Variants in ADCY2 observed in about 807,000 individuals in gnomAD.
ADCY2 encodes the protein adenylate cyclase 2, also known as adenylate cyclase type 2.
In ADCY2, 31 loss-of-function variants were observed where a neutral mutation model predicts 125.2. The ratio of observed to expected loss-of-function variants is 0.25; its 90% CI spans 0.19 to 0.33. The LOEUF (loss-of-function observed/expected upper bound fraction) is 0.33, where lower values mean the gene tolerates loss of function less well. ADCY2 is among the 10% of genes least tolerant of loss of function. The pLI is 1.00. For missense variants in ADCY2, 904 were observed against 1,418.2 expected, an observed-to-expected ratio of 0.64 and a Z score of 5.82; for synonymous variants, 512 against 548.4, an observed-to-expected ratio of 0.93 and a Z score of 0.93.
chr5:7,560,830 A>G (rs1430879315), intron 3 of ADCY2, among the ~76,000 whole-genome samples: 1 of 152,006 alleles, frequency 6.6e-6, no homozygotes, highest in Non-Finnish European at 1.5e-5. Flanking sequence ...CCAAGATTAC[A>G]GGCATGCACC....
At chr5:7,507,723 A>C (rs546077736) in intron 2 of ADCY2, among the ~76,000 whole-genome samples, 2 of 152,290 alleles carry the variant, frequency 1.3e-5, no homozygotes, top group East Asian at 3.9e-4. Flanking sequence ...GTTAGGACAG[A>C]TGGATTCTCA....
chr5:7,533,084 TATGTATATATAC>T (rs1323094477), intron 3 of ADCY2, among the ~76,000 whole-genome samples: 5 of 149,796 alleles, frequency 3.3e-5, no homozygotes, highest in African/African-American at 7.3e-5. Flanking sequence ...TATAAACATA[TATGTATATATAC>T]ATGTATATAT....
At chr5:7,805,555 C>T (rs1289282036) in intron 22 of ADCY2, among the ~76,000 whole-genome samples, 2 of 152,124 alleles carry the variant, frequency 1.3e-5, no homozygotes, top group Non-Finnish European at 2.9e-5. Context: ...AGGACAGTGG[C>T]CTTTGCTGTG....
At chr5:7,450,648 T>C (rs887109852) in intron 2 of ADCY2, among the ~76,000 whole-genome samples, 2 of 152,202 alleles carry the variant, frequency 1.3e-5, no homozygotes, top group African/African-American at 4.8e-5. Context: ...AATAACCTTC[T>C]GTTATAAGAA....
intron 2 of ADCY2, among the ~76,000 whole-genome samples, chr5:7,518,358 A>G (rs535246919): frequency 3.9e-5 from 6 of 152,266 alleles, no homozygotes; most frequent in African/African-American, 1.4e-4. Flanking sequence ...GTCCCTCCAA[A>G]GGCATGCCTG....
intron 4 of ADCY2, among the ~76,000 whole-genome samples, chr5:7,637,883 G>GT (rs1487100893): frequency 4.6e-5 from 7 of 152,322 alleles, no homozygotes; most frequent in African/African-American, 1.7e-4. Flanking sequence ...AGGTTGGGCA[G>GT]TTTAACTACA....
chr5:7,675,271 C>T (rs552095330), intron 4 of ADCY2, among the ~76,000 whole-genome samples: 3 of 152,142 alleles, frequency 2.0e-5, no homozygotes, highest in South Asian at 4.2e-4. Context: ...TTTGGCCACC[C>T]GTATTCATAT....
rs145231761 is a variant in ADCY2, at chr5:7,819,746, A to C, written c.2999-819A>C. Among the ~76,000 whole-genome samples, 38 of 152,352 alleles carry C rather than the reference A, an allele frequency of 2.5e-4. No homozygotes were observed. The East Asian group carries it at 7.0e-3, about 28-fold the overall frequency. On this transcript the variant is annotated intron_variant, in intron 23 of 24. Coordinates refer to ENST00000338316, the MANE Select transcript of ADCY2 (RefSeq NM_020546.3). ...AGTTCAGGGATAGCAAAGTGGAAGAATAATATTGCCAACAAAAGCGATGGG... is the reference window on the plus strand; with the variant it reads ...AGTTCAGGGATAGCAAAGTGGAAGACTAATATTGCCAACAAAAGCGATGGG...
At chr5:7,407,683 C>G (rs1006942402) in intron 1 of ADCY2, among the ~76,000 whole-genome samples, 1 of 151,946 alleles carries the variant, frequency 6.6e-6, no homozygotes, top group Non-Finnish European at 1.5e-5. Flanking sequence ...TGCTGGGCCC[C>G]CATTCATCAA....
intron 3 of ADCY2, among the ~76,000 whole-genome samples, chr5:7,580,173 A>C (rs1736382549): frequency 6.6e-6 from 1 of 152,178 alleles, no homozygotes; most frequent in Non-Finnish European, 1.5e-5. Context: ...TGATGATGGG[A>C]TCAACTGTAC....
At chr5:7,588,451 A>C (rs1427846229) in intron 3 of ADCY2, among the ~76,000 whole-genome samples, 1 of 152,218 alleles carries the variant, frequency 6.6e-6, no homozygotes, top group Admixed American at 6.5e-5. Context: ...TTTATTTTTA[A>C]AAGTAAACCA....
chr5:7,541,832 C>G (rs1196807644), intron 3 of ADCY2, among the ~76,000 whole-genome samples: 1 of 151,948 alleles, frequency 6.6e-6, no homozygotes, highest in East Asian at 1.9e-4. Flanking sequence ...AAGATTAGAA[C>G]AAAAATAATA....
rs1047762799 is a variant in ADCY2 at position 7,827,299 on chromosome 5, C to T, written c.*428C>T. On this transcript the variant is annotated 3_prime_UTR_variant, in exon 25 of 25. Coordinates refer to ENST00000338316, the MANE Select transcript of ADCY2 (RefSeq NM_020546.3). ...TCGTGAATAAGTTGATTCTGTCCCC[C>T]ACGTGGACTCTGTGCTCACCCATTG... 1.2e-5 allele frequency: 2 copies of T among 165,916 alleles called. No homozygotes were observed. Among genetic ancestry groups the T allele is most frequent in the African/African-American group, 4.8e-5 (2 of 41,644 alleles). 10.3% of individuals were successfully genotyped at this position (165,916 alleles called of 1,614,324 possible). A position where few individuals can be genotyped will look rare whatever the true frequency, so the allele number is the denominator to read the frequency against.
At chr5:7,420,550 C>A (rs1225056512) in intron 2 of ADCY2, among the ~76,000 whole-genome samples, 2 of 152,126 alleles carry the variant, frequency 1.3e-5, no homozygotes, top group Admixed American at 1.3e-4. Flanking sequence ...GTTTTCCAAA[C>A]GTCATTATTT....
At chr5:7,489,412 C>T (rs1479380929) in intron 2 of ADCY2, among the ~76,000 whole-genome samples, 1 of 152,160 alleles carries the variant, frequency 6.6e-6, no homozygotes, top group Non-Finnish European at 1.5e-5. Flanking sequence ...TCAACTGGGA[C>T]TGTTTTCTTG....
chr5:7,648,539 G>A, intron 4 of ADCY2, among the ~76,000 whole-genome samples: 1 of 152,222 alleles, frequency 6.6e-6, no homozygotes, highest in South Asian at 2.1e-4. Flanking sequence ...TGCAACAAAT[G>A]CCATGGCAAT....
rs567342193 is a variant in ADCY2, at chr5:7,557,257, C to T, written c.570+36358C>T. On this transcript the variant is annotated intron_variant, in intron 3 of 24. Coordinates refer to ENST00000338316, the MANE Select transcript of ADCY2 (RefSeq NM_020546.3). ...AACAGGGGAAGAGATGCTCAACCTC[C>T]CTAGTAATCAGAAGAATGCAAATTG... is the stretch of plus-strand genomic sequence containing the variant. 9.9e-5 allele frequency among the ~76,000 whole-genome samples: 13 copies of T among 131,582 alleles called. No homozygotes were observed. The South Asian group carries it at 3.0e-3, about 30-fold the overall frequency. The allele number at this position is 131,582 out of a possible 152,430, so 86.3% of individuals were successfully genotyped here. A position where few individuals can be genotyped will look rare whatever the true frequency, so the allele number is the denominator to read the frequency against.
chr5:7,511,070 T>C (rs1184937522), intron 2 of ADCY2, among the ~76,000 whole-genome samples: 3 of 152,226 alleles, frequency 2.0e-5, no homozygotes, highest in Admixed American at 6.5e-5. Flanking sequence ...AGTGTTACTA[T>C]GCCTGAAGTG....
At chr5:7,452,209 G>A (rs546295191) in intron 2 of ADCY2, among the ~76,000 whole-genome samples, 4 of 152,176 alleles carry the variant, frequency 2.6e-5, no homozygotes, top group South Asian at 4.1e-4. Context: ...AACCGTGCCC[G>A]GCCCCCAATG....
Sources: gnomAD v4.1 joint callset for allele counts (sites outside exome capture counted in the v4.1 genomes callset) on GRCh38, gnomAD v4.1.1 for gene constraint, MANE v1.5 for transcripts, NCBI Gene and HGNC (gene_info 2026-07-23, HGNC 2026-07-21) for gene names.